PHLDB2: variants seen among roughly 807,000 people sequenced by gnomAD.
PHLDB2 encodes the protein pleckstrin homology-like domain family B member 2.
PHLDB2 carries 71 observed loss-of-function variants against 123.6 expected under a neutral mutation model. That is an observed-to-expected ratio of 0.57 (90% confidence interval 0.47 to 0.70). The LOEUF is 0.70. Ranked by LOEUF, PHLDB2 falls within the 30% of genes least tolerant of loss-of-function variation. The pLI, the probability that PHLDB2 is intolerant of heterozygous loss-of-function variation, is 0.00. For synonymous variants in PHLDB2, 547 were observed against 541.6 expected (o/e 1.01, Z -0.14); for missense variants, 1,446 against 1,519.5 (o/e 0.95, Z 0.80).
At chr3:111,968,113 G>A (rs1436284229) in intron 15 of PHLDB2, among the ~76,000 whole-genome samples, 1 of 151,968 alleles carries the variant, frequency 6.6e-6, no homozygotes, top group African/African-American at 2.4e-5. Flanking sequence ...ATTCCTTGGA[G>A]TACATTTTAA....
At chr3:111,802,638 C>T (rs939734008) in intron 1 of PHLDB2, among the ~76,000 whole-genome samples, 3 of 152,212 alleles carry the variant, frequency 2.0e-5, no homozygotes, top group African/African-American at 7.2e-5. Context: ...AATAACAACA[C>T]TCATAGCTTG....
At chr3:111,749,969 A>G (rs1226263552) in intron 1 of PHLDB2, among the ~76,000 whole-genome samples, 1 of 152,034 alleles carries the variant, frequency 6.6e-6, no homozygotes, top group Non-Finnish European at 1.5e-5. Flanking sequence ...CTTGCAGAGA[A>G]ATATCATTAA....
At chr3:111,947,587 A>G (rs1189156604) in intron 9 of PHLDB2, among the ~76,000 whole-genome samples, 1 of 152,242 alleles carries the variant, frequency 6.6e-6, no homozygotes, top group Non-Finnish European at 1.5e-5. Flanking sequence ...TATGACTCAT[A>G]TAAATAATTA....
At chr3:111,861,007 GTC>G (rs1240150156) in intron 1 of PHLDB2, among the ~76,000 whole-genome samples, 91 of 152,312 alleles carry the variant, frequency 6.0e-4, no homozygotes, top group African/African-American at 2.2e-3. Context: ...TTCGAGATAT[GTC>G]TCTGGGATTC....
rs1376883086 is a variant in PHLDB2 at position 111,885,287 on chromosome 3, AC to A, written c.1216del (p.Gln406SerfsTer20). The A allele has an allele frequency of 1.2e-6, 2 of 1,613,590 alleles. No individual in the cohort carries two copies. Among genetic ancestry groups the A allele is most frequent in the Non-Finnish European group, 1.7e-6 (2 of 1,179,952 alleles). ...GGAAAGCCTCAGACAGGCCTCAGGA[AC>A]CCCCCAGCCTGCCCTTCGGGAACGG... Reference protein sequence around the residue: ...DLESLRQASGTPQPALRERKS... With the variant: ...DLESLRQASGXPQPALRERKS... On this transcript the variant is annotated frameshift_variant, in exon 2 of 18. Transcript: ENST00000431670. LOFTEE classifies it high-confidence loss of function.
At chr3:111,908,247 CCT>C (rs1431968466) in intron 2 of PHLDB2, among the ~76,000 whole-genome samples, 1 of 152,138 alleles carries the variant, frequency 6.6e-6, no homozygotes, top group East Asian at 1.9e-4. Context: ...AAAGGTCAGA[CCT>C]CTCTTTGGGC....
chr3:111,870,141 A>T (rs2065267385), intron 1 of PHLDB2, among the ~76,000 whole-genome samples: 1 of 152,204 alleles, frequency 6.6e-6, no homozygotes, highest in Admixed American at 6.5e-5. Context: ...AGAGAGTGAG[A>T]GAAGAGGAAG....
intron 1 of PHLDB2, among the ~76,000 whole-genome samples, chr3:111,832,706 TAC>T (rs2063120608): frequency 1.1e-5 from 1 of 91,028 alleles, no homozygotes; most frequent in Non-Finnish European, 2.0e-5. Context: ...AATAGAATTA[TAC>T]ATATAATATA....
chr3:111,919,626 G>A (rs528392264), intron 4 of PHLDB2, among the ~76,000 whole-genome samples: 5 of 152,230 alleles, frequency 3.3e-5, no homozygotes, highest in South Asian at 2.1e-4. Context: ...ATTCACACAC[G>A]GATCAAAAAT....
intron 2 of PHLDB2, among the ~76,000 whole-genome samples, chr3:111,894,352 G>A (rs1577018851): frequency 1.3e-5 from 2 of 151,744 alleles, no homozygotes; most frequent in South Asian, 4.2e-4. Context: ...GCTATTGTGA[G>A]TAATGCCGCA....
intron 1 of PHLDB2, among the ~76,000 whole-genome samples, chr3:111,881,534 T>C (rs2065925932): frequency 6.6e-6 from 1 of 152,180 alleles, no homozygotes; most frequent in African/African-American, 2.4e-5. Context: ...TTCACTGCAG[T>C]AGCAACAGGG....
intron 1 of PHLDB2, among the ~76,000 whole-genome samples, chr3:111,802,672 T>C (rs572262213): frequency 6.6e-6 from 1 of 152,314 alleles, no homozygotes; most frequent in Non-Finnish European, 1.5e-5. Context: ...TATGTGAAAG[T>C]TTTCTAAACT....
rs150022842 is a variant in PHLDB2, at chr3:111,786,720, G to A, written c.-49+54017G>A. ...CTTAGGCAGATCACTTATCTCACCCGGGCTACAGTTTGTCATTCTAAAATG... is the reference window on the plus strand; with the variant it reads ...CTTAGGCAGATCACTTATCTCACCCAGGCTACAGTTTGTCATTCTAAAATG... On this transcript the variant is annotated intron_variant, in intron 1 of 17. Transcript: ENST00000393923. 3.7e-4 allele frequency among the ~76,000 whole-genome samples: 56 copies of A among 152,016 alleles called. 1 individual carries two copies. Among genetic ancestry groups the A allele is most frequent in the African/African-American group, 1.3e-3 (53 of 41,492 alleles).
At chr3:111,878,920 T>C (rs2065796524) in intron 1 of PHLDB2, among the ~76,000 whole-genome samples, 1 of 152,218 alleles carries the variant, frequency 6.6e-6, no homozygotes, top group African/African-American at 2.4e-5. Context: ...TCATGGTGGA[T>C]AAGCTTTTTG....
intron 1 of PHLDB2, among the ~76,000 whole-genome samples, chr3:111,834,602 T>C (rs2063316786): frequency 6.6e-6 from 1 of 151,868 alleles, no homozygotes; most frequent in South Asian, 2.1e-4. Context: ...ATCTCTGACA[T>C]ATAACTTTAA....
At chr3:111,952,515 A>G in intron 10 of PHLDB2, 57 bp from the exon 11 acceptor site, 6 of 1,550,676 alleles carry the variant, frequency 3.9e-6, no homozygotes, top group Non-Finnish European at 5.2e-6. Context: ...TCATTTCTTC[A>G]GTCACCTATT....
At chr3:111,856,554 C>A (rs1395467257), upstream of PHLDB2, among the ~76,000 whole-genome samples, 4 of 152,176 alleles carry the variant, frequency 2.6e-5, no homozygotes, top group African/African-American at 7.2e-5. Flanking sequence ...TTTTCTTAGA[C>A]ATAAATATTG....
At chr3:111,843,236 A>T (rs1395610447) in intron 1 of PHLDB2, among the ~76,000 whole-genome samples, 1 of 152,212 alleles carries the variant, frequency 6.6e-6, no homozygotes, top group African/African-American at 2.4e-5. Context: ...CAATTTCTCC[A>T]TTCTCTCCAA....
rs556300925 is a variant in PHLDB2 at position 111,743,033 on chromosome 3, C to T, written c.-49+10330C>T. Among the ~76,000 whole-genome samples the T allele has an allele frequency of 7.8e-4, 118 of 152,222 alleles. 1 individual carries two copies. The highest frequency in any genetic ancestry group is 1.4e-3 in the Non-Finnish European group (92 of 68,000). On this transcript the variant is annotated intron_variant, in intron 1 of 17. Coordinates refer to the PHLDB2 transcript ENST00000393923. ...GAACACAAAGCAGAAAAGTTTCAGA[C>T]GGGTGCTCCCCAACTACCAAAGGAG...
Sources: allele counts gnomAD v4.1 joint callset (sites outside exome capture counted in the v4.1 genomes callset), GRCh38; gene constraint gnomAD v4.1.1; transcripts MANE v1.5; gene names NCBI Gene and HGNC (gene_info 2026-07-23, HGNC 2026-07-21).